Variants in ADAMTS7 observed in about 807,000 individuals in gnomAD.
ADAMTS7 encodes A disintegrin and metalloproteinase with thrombospondin motifs 7.
Under a neutral mutation model 172.6 loss-of-function variants are expected in ADAMTS7, and 89 were observed. The ratio of observed to expected loss-of-function variants is 0.52; its 90% confidence interval spans 0.43 to 0.61. The LOEUF (loss-of-function observed/expected upper bound fraction) is 0.61, where lower values mean the gene tolerates loss of function less well. ADAMTS7 is among the 20% of genes least tolerant of loss of function. ADAMTS7 has a pLI of 0.00. For missense variants in ADAMTS7, 1,973 were observed against 2,355.6 expected, an observed-to-expected ratio of 0.84 and a Z score of 3.36; for synonymous variants, 885 against 978.4, an observed-to-expected ratio of 0.90 and a Z score of 1.78.
chr15:78,774,238 C>G lies in ADAMTS7; in HGVS notation c.1939G>C (p.Ala647Pro). Reference sequence around the variant, plus strand: ...TAGCAGGGGGTGCCATCGACCACGGCGTCCCGCAGCTTCTCGGCAAAGTAC... The same window carrying G: ...TAGCAGGGGGTGCCATCGACCACGGGGTCCCGCAGCTTCTCGGCAAAGTAC... ...NEYFAEKLRDAVVDGTPCYQV... is the reference protein window; with the variant it reads ...NEYFAEKLRDPVVDGTPCYQV... The change falls in exon 13 of 24, where the codon GCC becomes CCC. Residue 647 changes from alanine to proline, a missense_variant. By Grantham distance (27) the Ala-to-Pro change is conservative (BLOSUM62 -1). This residue lies in a region of ADAMTS7 where 526 missense variants were observed against 662.9 expected (regional missense o/e 0.79). Transcript: ENST00000388820. 1 of 1,584,610 alleles carries G rather than the reference C, an allele frequency of 6.3e-7. No individual in the cohort carries two copies. Among genetic ancestry groups the G allele is most frequent in the Non-Finnish European group, 8.5e-7 (1 of 1,174,354 alleles).
chr15:78,764,514 C>G (rs1458346625), intron 20 of ADAMTS7, 41 bp downstream of exon 20: 1 of 1,522,196 alleles, frequency 6.6e-7, no homozygotes, highest in Non-Finnish European at 8.8e-7. Context: ...GGCTCCACCC[C>G]ATGCCCTGGG....
intron 2 of ADAMTS7, among the ~76,000 whole-genome samples, chr15:78,799,200 C>A (rs1459859564): frequency 6.9e-6 from 1 of 145,680 alleles, no homozygotes; most frequent in East Asian, 2.0e-4. Context: ...AGGCCCTGTG[C>A]GGCCACAGCC....
In ADAMTS7 at chr15:78,774,315, A is replaced by G; in HGVS notation, c.1877-15T>C. The stretch of plus-strand genomic sequence containing the variant: ...GCAGGGGTTCACTGAGGGCCCAAGT[A>G]GAAGAGTCATCAGCAACAGCTGGGG... On this transcript the variant is annotated splice_polypyrimidine_tract_variant and intron_variant, in intron 12 of 23. Transcript: ENST00000388820. 1 of 1,553,344 alleles carries G rather than the reference A, an allele frequency of 6.4e-7. No individual in the cohort carries two copies. Among genetic ancestry groups the G allele is most frequent in the Non-Finnish European group, 8.6e-7 (1 of 1,157,378 alleles).
intron 1 of ADAMTS7, among the ~76,000 whole-genome samples, chr15:78,804,286 T>C (rs755307261): frequency 6.6e-6 from 1 of 152,240 alleles, no homozygotes; most frequent in Non-Finnish European, 1.5e-5. Flanking sequence ...ACACCAGTTC[T>C]AGTCTCAAGA....
intron 14 of ADAMTS7, among the ~76,000 whole-genome samples, chr15:78,772,187 A>G (rs2055262470): frequency 1.3e-5 from 2 of 152,126 alleles, no homozygotes; most frequent in Non-Finnish European, 2.9e-5. Context: ...GCCTGCTTTT[A>G]TTCATTCACT....
At chr15:78,805,149 C>G (rs1243412974) in intron 1 of ADAMTS7, among the ~76,000 whole-genome samples, 1 of 152,228 alleles carries the variant, frequency 6.6e-6, no homozygotes, top group East Asian at 1.9e-4. Context: ...AGTTCAGAGG[C>G]TGGCATTCAG....
At chr15:78,804,360 C>T (rs997424580) in intron 1 of ADAMTS7, among the ~76,000 whole-genome samples, 2 of 152,208 alleles carry the variant, frequency 1.3e-5, no homozygotes, top group Non-Finnish European at 2.9e-5. Context: ...TCTTTTCCCT[C>T]TCTGCAGTTC....
chr15:78,770,019 G>A (rs1309221496), intron 16 of ADAMTS7, among the ~76,000 whole-genome samples: 5 of 151,986 alleles, frequency 3.3e-5, no homozygotes, highest in Non-Finnish European at 7.4e-5. Flanking sequence ...AAAATTAGCC[G>A]GGCATGGTGG....
chr15:78,778,033 G>A (rs1359667695), intron 8 of ADAMTS7, among the ~76,000 whole-genome samples: 4 of 152,220 alleles, frequency 2.6e-5, no homozygotes, highest in East Asian at 1.9e-4. Context: ...CAGAGACCTT[G>A]GGTCATCTGT....
intron 11 of ADAMTS7, among the ~76,000 whole-genome samples, chr15:78,775,153 A>G (rs4887102): frequency 0.27 from 41,309 of 152,098 alleles, 7,133 homozygotes; most frequent in Non-Finnish European, 0.4. Flanking sequence ...AGGCATGACT[A>G]GCACTGGCTG....
intron 1 of ADAMTS7, among the ~76,000 whole-genome samples, chr15:78,810,284 C>CT (rs1375843579): frequency 6.6e-5 from 10 of 152,358 alleles, no homozygotes; most frequent in Non-Finnish European, 1.3e-4. Context: ...TTGCAGGACT[C>CT]TCCCCACTAT....
chr15:78,760,735 C>T (rs186725607), intron 23 of ADAMTS7, among the ~76,000 whole-genome samples: 2 of 152,304 alleles, frequency 1.3e-5, no homozygotes, highest in East Asian at 3.9e-4. Flanking sequence ...TTCCAGGTCT[C>T]CAAGTCCAAG....
At chr15:78,780,267 G>A (rs1443754981) in intron 8 of ADAMTS7, among the ~76,000 whole-genome samples, 1 of 151,808 alleles carries the variant, frequency 6.6e-6, no homozygotes, top group Non-Finnish European at 1.5e-5. Flanking sequence ...GGGCTGGGCA[G>A]TCCCACAAGA....
chr15:78,769,166 C>G (rs1159515713), intron 16 of ADAMTS7, among the ~76,000 whole-genome samples: 1 of 152,214 alleles, frequency 6.6e-6, no homozygotes, highest in Non-Finnish European at 1.5e-5. Context: ...AGGCTTGGCA[C>G]TGCTCCTGTC....
intron 23 of ADAMTS7, among the ~76,000 whole-genome samples, chr15:78,760,803 C>A (rs1429912580): frequency 1.3e-5 from 2 of 152,142 alleles, no homozygotes; most frequent in African/African-American, 4.8e-5. Flanking sequence ...TCACTTAGGA[C>A]AGCTTCTAGT....
chr15:78,806,147 A>C (rs1160240557), intron 1 of ADAMTS7, among the ~76,000 whole-genome samples: 27 of 148,338 alleles, frequency 1.8e-4, no homozygotes, highest in African/African-American at 6.1e-4. Flanking sequence ...AAAAAAAAAA[A>C]AAAAAAAACA....
rs371092119 is a variant in ADAMTS7, at chr15:78,763,983, C to T, written c.4536G>A (p.Ala1512=). The change falls in exon 21 of 24, where the codon GCG becomes GCA. Residue 1512 remains alanine, a synonymous_variant. Coordinates refer to ENST00000388820, the MANE Select transcript of ADAMTS7 (RefSeq NM_014272.5). ...AGGGCTGGGCCCCGCAGGGCCGGTG[C>T]GCAGGCGGCTTGGCAGGCCCGGGCT... The part of the protein sequence containing the change: ...HCQPGPAKPP[A]HRPCGAQPCL... 72 of 1,545,952 alleles carry T rather than the reference C, an allele frequency of 4.7e-5. 1 individual carries two copies. Among genetic ancestry groups the T allele is most frequent in the Non-Finnish European group, 5.9e-5 (67 of 1,145,234 alleles).
At position 78,766,225 on chromosome 15, in the gene ADAMTS7, G is replaced by C. The variant is rs377761270; in HGVS notation, c.3686C>G (p.Ala1229Gly). Residue 1229 changes from alanine (A) to glycine (G), a missense_variant, in exon 19 of 24, where the codon GCA (alanine) becomes GGA (glycine). This residue lies in a region of ADAMTS7 where 771 missense variants were observed against 952.6 expected (regional missense o/e 0.81). Coordinates refer to ENST00000388820, the MANE Select transcript of ADAMTS7 (RefSeq NM_014272.5). ...GCTGGGTCTCGGGGGCAGGTGGGGTGCTCCTCGGCCCTTGGGTTCCTCATC... is the reference window on the plus strand; with the variant it reads ...GCTGGGTCTCGGGGGCAGGTGGGGTCCTCCTCGGCCCTTGGGTTCCTCATC... ...KDDEEPKGRG[A>G]PHLPPRPSST... 2 of 1,611,824 alleles carry C rather than the reference G, an allele frequency of 1.2e-6. No homozygotes were observed. The highest frequency in any genetic ancestry group is 1.7e-6 in the Non-Finnish European group (2 of 1,179,760).
intron 8 of ADAMTS7, among the ~76,000 whole-genome samples, chr15:78,781,164 G>C (rs1040939548): frequency 6.6e-6 from 1 of 152,212 alleles, no homozygotes; most frequent in African/African-American, 2.4e-5. Context: ...ACGCCCCCAA[G>C]TCCTAGAAAC....
Sources: allele counts gnomAD v4.1 joint callset (sites outside exome capture counted in the v4.1 genomes callset), GRCh38; gene constraint gnomAD v4.1.1; regional missense constraint gnomAD v4.1.1; transcripts MANE v1.5; gene names NCBI Gene and HGNC (gene_info 2026-07-23, HGNC 2026-07-21).